Variants in ARHGAP28 observed in about 807,000 individuals in gnomAD.
ARHGAP28 encodes the protein rho GTPase-activating protein 28.
ARHGAP28 carries 56 observed loss-of-function variants against 90.7 expected under a neutral mutation model. The observed-to-expected ratio is 0.62, with a 90% CI of 0.50 to 0.77. The LOEUF is 0.77. Ranked by LOEUF, ARHGAP28 falls within the 30% of genes least tolerant of loss-of-function variation. The pLI is 0.00. For synonymous variants in ARHGAP28, 308 were observed against 323.3 expected (o/e 0.95, Z 0.51); for missense variants, 869 against 900.9 (o/e 0.96, Z 0.45).
At chr18:6,856,119 G>A (rs972525024) in intron 4 of ARHGAP28, among the ~76,000 whole-genome samples, 2 of 152,170 alleles carry the variant, frequency 1.3e-5, no homozygotes, top group Admixed American at 1.3e-4. Context: ...AGAGGCTTCC[G>A]GCTAGAAAAG....
At chr18:6,872,036 C>A (rs1396763350) in intron 7 of ARHGAP28, among the ~76,000 whole-genome samples, 3 of 152,130 alleles carry the variant, frequency 2.0e-5, no homozygotes, top group Non-Finnish European at 4.4e-5. Flanking sequence ...CCTTCCTGGT[C>A]CCTAAGCAGT....
rs868699176 is a variant in ARHGAP28, at chr18:6,782,573, A to G, written c.123-42189A>G. On this transcript the variant is annotated intron_variant, in intron 1 of 17. Coordinates refer to ENST00000383472, the MANE Select transcript of ARHGAP28 (RefSeq NM_001366230.1). ...GCTAGGATTACAGGCACCTGCCATCACGCCCAGCTAATTTTTGTATTTTTT... is the reference window on the plus strand; with the variant it reads ...GCTAGGATTACAGGCACCTGCCATCGCGCCCAGCTAATTTTTGTATTTTTT... Among the ~76,000 whole-genome samples the G allele has an allele frequency of 1.4e-3, 175 of 125,222 alleles. 1 individual carries two copies. Among genetic ancestry groups the G allele is most frequent in the Admixed American group, 1.5e-3 (16 of 10,654 alleles). The allele number at this position is 125,222 out of a possible 152,430, so 82.2% of individuals were successfully genotyped here.
intron 1 of ARHGAP28, among the ~76,000 whole-genome samples, chr18:6,805,190 G>A (rs1005836507): frequency 6.6e-6 from 1 of 151,982 alleles, no homozygotes; most frequent in African/African-American, 2.4e-5. Context: ...ATTTTTCCTG[G>A]CTGTTCTCTG....
chr18:6,877,542 G>T (rs1018250841), intron 10 of ARHGAP28, among the ~76,000 whole-genome samples: 2 of 152,220 alleles, frequency 1.3e-5, no homozygotes, highest in Non-Finnish European at 2.9e-5. Context: ...GCACGTGAGG[G>T]CAAGGTCTTC....
chr18:6,866,316 T>C (rs2057037866), intron 5 of ARHGAP28, among the ~76,000 whole-genome samples: 1 of 152,220 alleles, frequency 6.6e-6, no homozygotes, highest in Non-Finnish European at 1.5e-5. Context: ...TTCTTATGTT[T>C]TTCTAATACC....
In ARHGAP28 at chr18:6,914,585, G is replaced by A. The variant is rs987820738; in HGVS notation, c.*2431G>A. ...TCATCTAAGTATTGAAAGAATTTTT[G>A]CCTTATCAAGAGTTGTTTTTTAAAA... On this transcript the variant is annotated 3_prime_UTR_variant, in exon 18 of 18. Transcript: ENST00000383472. 1 of 50,444 alleles carries A rather than the reference G, an allele frequency of 2.0e-5. No individual in the cohort carries two copies. Among genetic ancestry groups the A allele is most frequent in the African/African-American group, 6.4e-5 (1 of 15,560 alleles). The allele number at this position is 50,444 out of a possible 1,614,324, so 3.1% of individuals were successfully genotyped here. A position where few individuals can be genotyped will look rare whatever the true frequency, so the allele number is the denominator to read the frequency against.
chr18:6,909,274 G>T (rs513694), intron 17 of ARHGAP28, among the ~76,000 whole-genome samples: 45,219 of 96,140 alleles, frequency 0.47, 9,338 homozygotes, highest in Middle Eastern at 0.49. Context: ...TCTTTTCTTT[G>T]CTTTTCTTTT....
chr18:6,856,216 G>C (rs2056952320), intron 4 of ARHGAP28, among the ~76,000 whole-genome samples: 2 of 152,126 alleles, frequency 1.3e-5, no homozygotes, highest in Non-Finnish European at 2.9e-5. Context: ...CTCCAGATTT[G>C]AACATTTTTT....
intron 1 of ARHGAP28, among the ~76,000 whole-genome samples, chr18:6,823,561 T>C (rs767076938): frequency 5.9e-5 from 9 of 151,936 alleles, no homozygotes; most frequent in Non-Finnish European, 1.2e-4. Context: ...TTTGAGTATA[T>C]ACCCAGAAGT....
At chr18:6,761,286 A>T (rs927805364) in intron 1 of ARHGAP28, among the ~76,000 whole-genome samples, 9 of 152,124 alleles carry the variant, frequency 5.9e-5, no homozygotes, top group Non-Finnish European at 1.2e-4. Flanking sequence ...CTCATTAGGC[A>T]ATCCACTTAT....
chr18:6,858,502 G>T (rs1425890225), intron 4 of ARHGAP28, among the ~76,000 whole-genome samples: 1 of 151,694 alleles, frequency 6.6e-6, no homozygotes, highest in African/African-American at 2.4e-5. Context: ...TATTTGGGTG[G>T]CAGGGGAGGT....
chr18:6,840,870 G>C (rs1207369634), intron 3 of ARHGAP28, among the ~76,000 whole-genome samples: 3 of 152,172 alleles, frequency 2.0e-5, no homozygotes, highest in Admixed American at 6.6e-5. Flanking sequence ...AGAAAATTCA[G>C]ATTGTTCCTT....
intron 11 of ARHGAP28, among the ~76,000 whole-genome samples, chr18:6,885,778 C>G (rs1027058992): frequency 1.4e-5 from 2 of 147,360 alleles, no homozygotes; most frequent in Admixed American, 1.4e-4. Flanking sequence ...ATCTGCATCT[C>G]TTGTTTTTTT....
Position 6,862,339 on chromosome 18 carries a change from C to G in ARHGAP28, c.726+2442C>G, listed in dbSNP as rs188453801. On this transcript the variant is annotated intron_variant, in intron 5 of 17. Coordinates refer to ENST00000383472, the MANE Select transcript of ARHGAP28 (RefSeq NM_001366230.1). The stretch of plus-strand genomic sequence containing the variant: ...AACCTCTCCTGCCAGGCTAAATTCC[C>G]GGGGCCAACTTACTGTCACCCCCAA... 1.8e-3 allele frequency among the ~76,000 whole-genome samples: 281 copies of G among 152,246 alleles called. 1 individual carries two copies. Among genetic ancestry groups the G allele is most frequent in the Admixed American group, 0.016 (243 of 15,294 alleles).
intron 1 of ARHGAP28, among the ~76,000 whole-genome samples, chr18:6,733,043 G>A (rs747618271): frequency 3.3e-5 from 5 of 152,050 alleles, no homozygotes; most frequent in Non-Finnish European, 7.4e-5. Context: ...TCTTGCAACC[G>A]AAGAATCAAA....
intron 17 of ARHGAP28, among the ~76,000 whole-genome samples, chr18:6,910,856 T>TG (rs1234056515): frequency 6.6e-6 from 1 of 150,590 alleles, no homozygotes; most frequent in African/African-American, 2.4e-5. Context: ...TGCTTTGTTT[T>TG]TTTTTTGAGA....
intron 14 of ARHGAP28, among the ~76,000 whole-genome samples, chr18:6,892,678 C>T (rs925584414): frequency 1.3e-5 from 2 of 152,190 alleles, no homozygotes; most frequent in African/African-American, 2.4e-5. Flanking sequence ...TGTTTGTTTG[C>T]TTCATGACTT....
chr18:6,860,647 C>G (rs2056991491), intron 5 of ARHGAP28, among the ~76,000 whole-genome samples: 1 of 152,180 alleles, frequency 6.6e-6, no homozygotes, highest in African/African-American at 2.4e-5. Flanking sequence ...TTCCTCAACC[C>G]CTGTCCATTT....
chr18:6,746,554 A>T (rs1413366714), intron 1 of ARHGAP28, among the ~76,000 whole-genome samples: 1 of 152,196 alleles, frequency 6.6e-6, no homozygotes, highest in Non-Finnish European at 1.5e-5. Context: ...CAAAATACAG[A>T]GAATTAGTTT....
Sources: allele counts gnomAD v4.1 joint callset (sites outside exome capture counted in the v4.1 genomes callset), GRCh38; gene constraint gnomAD v4.1.1; transcripts MANE v1.5; gene names NCBI Gene and HGNC (gene_info 2026-07-23, HGNC 2026-07-21).